Variants in LIMA1 observed in about 807,000 individuals in gnomAD.
LIMA1 encodes LIM domain and actin-binding protein 1.
Under a neutral mutation model 62.6 loss-of-function variants are expected in LIMA1, and 52 were observed. The ratio of observed to expected loss-of-function variants is 0.83; its 90% CI spans 0.67 to 1.05. The LOEUF (loss-of-function observed/expected upper bound fraction) is 1.05. LIMA1 is among the 50% of genes least tolerant of loss of function. The pLI, the probability that LIMA1 is intolerant of heterozygous loss-of-function variation, is 0.00. For synonymous variants in LIMA1, 302 were observed against 317.8 expected (o/e 0.95, Z 0.53); for missense variants, 780 against 902.2 (o/e 0.86, Z 1.74).
At chr12:50,201,439 T>C (rs955271315) in intron 6 of LIMA1, 35 of 981,684 alleles carry the variant, frequency 3.6e-5, no homozygotes, top group Non-Finnish European at 4.1e-5. Context: ...CCATATACAA[T>C]TCATATATTG....
At chr12:50,209,896 C>A (rs1941223585) in intron 4 of LIMA1, among the ~76,000 whole-genome samples, 1 of 152,102 alleles carries the variant, frequency 6.6e-6, no homozygotes. Context: ...CTCCTGACCT[C>A]AAATGATCTG....
chr12:50,268,077 C>T (rs145301023), intron 1 of LIMA1, among the ~76,000 whole-genome samples: 1 of 152,136 alleles, frequency 6.6e-6, no homozygotes, highest in East Asian at 1.9e-4. Flanking sequence ...ATTTGCCTCT[C>T]ACAGCAGCTG....
chr12:50,259,146 T>C (rs10783344), intron 1 of LIMA1, among the ~76,000 whole-genome samples: 48,785 of 151,948 alleles, frequency 0.32, 8,119 homozygotes, highest in South Asian at 0.48. Context: ...TCTCCTCCCA[T>C]GATACACCGT....
At chr12:50,241,568 C>G (rs1397262873) in intron 2 of LIMA1, among the ~76,000 whole-genome samples, 1 of 152,166 alleles carries the variant, frequency 6.6e-6, no homozygotes, top group African/African-American at 2.4e-5. Flanking sequence ...ACACCAAAGG[C>G]TGTCTTTAAT....
At chr12:50,257,009 G>A (rs1942005518) in intron 1 of LIMA1, among the ~76,000 whole-genome samples, 1 of 152,098 alleles carries the variant, frequency 6.6e-6, no homozygotes, top group Non-Finnish European at 1.5e-5. Context: ...TTTCTCCTCT[G>A]TAAAGTTATT....
chr12:50,187,968 C>T (rs1257463302), intron 9 of LIMA1: 1 of 152,192 alleles, frequency 6.6e-6, no homozygotes, highest in African/African-American at 2.4e-5. Flanking sequence ...AGGCCTGATA[C>T]TTCTCACAGG....
At chr12:50,280,144 ATT>A (rs71441354) in intron 1 of LIMA1, among the ~76,000 whole-genome samples, 905 of 68,110 alleles carry the variant, frequency 0.013, 2 homozygotes, top group African/African-American at 0.053. Flanking sequence ...GGGTAGTAGT[ATT>A]TTTTTTTTTT....
chr12:50,217,477 G>A (rs1208069109), intron 4 of LIMA1, among the ~76,000 whole-genome samples: 2 of 151,682 alleles, frequency 1.3e-5, no homozygotes, highest in Non-Finnish European at 2.9e-5. Context: ...TTCAAGCCTG[G>A]CCTTTGAAGT....
intron 2 of LIMA1, among the ~76,000 whole-genome samples, chr12:50,232,316 C>T (rs374450509): frequency 6.6e-6 from 1 of 151,512 alleles, no homozygotes; most frequent in Non-Finnish European, 1.5e-5. Context: ...CATGCTTCAG[C>T]CTCCTAAAGT....
rs1396205994 is a variant in LIMA1, at chr12:50,177,580, G to T, written c.1764C>A (p.Ser588Arg). 1.6e-5 allele frequency: 26 copies of T among 1,611,362 alleles called. No homozygotes were observed. Among genetic ancestry groups the T allele is most frequent in the Non-Finnish European group, 2.1e-5 (25 of 1,178,902 alleles). The part of the protein sequence containing the change: ...LRRSSSLKER[S>R]RPFTVAASFQ... ...ATGAAGCTGCTACAGTGAATGGGCGGCTTCTTTCCTTCAGTGAAGAAGATC... is the reference window on the plus strand; with the variant it reads ...ATGAAGCTGCTACAGTGAATGGGCGTCTTCTTTCCTTCAGTGAAGAAGATC... Residue 588 changes from serine to arginine, a missense_variant, in exon 11 of 11, where the codon AGC (serine) becomes AGA (arginine). Transcript: ENST00000341247.
chr12:50,199,843 A>T (rs1414349770), intron 7 of LIMA1, among the ~76,000 whole-genome samples: 1 of 152,084 alleles, frequency 6.6e-6, no homozygotes, highest in Non-Finnish European at 1.5e-5. Flanking sequence ...TTTGTAAATT[A>T]TTCTTCCCAG....
chr12:50,254,547 A>G lies in LIMA1; in HGVS notation c.-23-5773T>C, dbSNP rs181370321. 3.3e-5 allele frequency among the ~76,000 whole-genome samples: 5 copies of G among 152,262 alleles called. No homozygotes were observed. In the East Asian group the frequency reaches 9.6e-4, roughly 29 times the overall value. On this transcript the variant is annotated intron_variant, in intron 1 of 10. Coordinates refer to ENST00000341247, the MANE Select transcript of LIMA1 (RefSeq NM_016357.5). ...CAGGTAGCTTGAGATGGGCCACTAAATTGTCCTAGGGTAGGGTAAGCTGTA... is the reference window on the plus strand; with the variant it reads ...CAGGTAGCTTGAGATGGGCCACTAAGTTGTCCTAGGGTAGGGTAAGCTGTA...
intron 9 of LIMA1, among the ~76,000 whole-genome samples, chr12:50,183,561 C>T (rs947360218): frequency 1.3e-5 from 2 of 152,000 alleles, no homozygotes; most frequent in Non-Finnish European, 2.9e-5. Context: ...CGCCCATAAT[C>T]CCACACTTTG....
chr12:50,280,075 T>C (rs1283250021), intron 1 of LIMA1, among the ~76,000 whole-genome samples: 5 of 150,786 alleles, frequency 3.3e-5, no homozygotes, highest in Non-Finnish European at 7.4e-5. Flanking sequence ...ACACTTGTTA[T>C]CAGAAGTACA....
chr12:50,280,379 C>T (rs947254558), intron 1 of LIMA1, among the ~76,000 whole-genome samples: 1 of 151,854 alleles, frequency 6.6e-6, no homozygotes, highest in Non-Finnish European at 1.5e-5. Context: ...AGGATGGTCT[C>T]GATCTCCTGA....
intron 9 of LIMA1, among the ~76,000 whole-genome samples, chr12:50,190,889 G>T (rs564574827): frequency 8.0e-5 from 12 of 150,706 alleles, no homozygotes; most frequent in Non-Finnish European, 1.2e-4. Context: ...AGGCCAAGGT[G>T]GGGGGATTAC....
chr12:50,185,381 T>C (rs1940607672), intron 9 of LIMA1: 1 of 456,004 alleles, frequency 2.2e-6, no homozygotes, highest in African/African-American at 2.0e-5. Context: ...AGCTGAAAGT[T>C]GAGCTCACAT....
intron 3 of LIMA1, chr12:50,224,248 A>G (rs189381845): frequency 6.6e-6 from 1 of 152,270 alleles, no homozygotes; most frequent in African/African-American, 2.4e-5. Context: ...TTGGGAATTA[A>G]GTCTCTCACC....
intron 1 of LIMA1, among the ~76,000 whole-genome samples, chr12:50,249,406 G>A (rs1032707977): frequency 1.3e-5 from 2 of 152,146 alleles, no homozygotes; most frequent in African/African-American, 4.8e-5. Context: ...GATTTAAGGA[G>A]ATAATATATT....
Sources: gnomAD v4.1 joint callset for allele counts (sites outside exome capture counted in the v4.1 genomes callset) on GRCh38, gnomAD v4.1.1 for gene constraint, MANE v1.5 for transcripts, NCBI Gene and HGNC (gene_info 2026-07-23, HGNC 2026-07-21) for gene names.